Variants in CMTM8 observed in about 807,000 individuals in gnomAD.
CMTM8 encodes the protein CKLF like MARVEL transmembrane domain containing 8.
Under a neutral mutation model 18.6 loss-of-function variants are expected in CMTM8, and 12 were observed. The ratio of observed to expected loss-of-function variants is 0.65; its 90% CI spans 0.41 to 1.05. The LOEUF is 1.05. Ranked by LOEUF, CMTM8 falls within the 50% of genes least tolerant of loss-of-function variation. CMTM8 has a pLI of 0.00. For synonymous variants in CMTM8, 87 were observed against 90.6 expected (o/e 0.96, Z 0.23); for missense variants, 217 against 227.2 (o/e 0.95, Z 0.29).
intron 1 of CMTM8, among the ~76,000 whole-genome samples, chr3:32,265,251 G>A (rs1702320661): frequency 6.6e-6 from 1 of 152,166 alleles, no homozygotes; most frequent in Non-Finnish European, 1.5e-5. Context: ...ATAACAAACT[G>A]TCTCTCAGAC....
At chr3:32,295,321 T>C (rs2125558942) in intron 1 of CMTM8, among the ~76,000 whole-genome samples, 1 of 151,664 alleles carries the variant, frequency 6.6e-6, no homozygotes, top group East Asian at 1.9e-4. Context: ...CTGGGCATAA[T>C]GTCGTGCACC....
intron 1 of CMTM8, among the ~76,000 whole-genome samples, chr3:32,313,005 C>G (rs538597096): frequency 8.9e-4 from 135 of 152,172 alleles, no homozygotes; most frequent in African/African-American, 3.1e-3. Context: ...AGCTATAAGG[C>G]AAGAACTGTG....
At chr3:32,333,802 A>G (rs1380293618) in intron 1 of CMTM8, among the ~76,000 whole-genome samples, 1 of 152,118 alleles carries the variant, frequency 6.6e-6, no homozygotes, top group Non-Finnish European at 1.5e-5. Flanking sequence ...GTCATTATAC[A>G]TTTGTCTAAA....
chr3:32,321,384 G>A (rs1347401457), intron 1 of CMTM8, among the ~76,000 whole-genome samples: 2 of 152,112 alleles, frequency 1.3e-5, no homozygotes, highest in African/African-American at 2.4e-5. Context: ...GACCCCTGGT[G>A]CCTCCGTGGA....
intron 1 of CMTM8, among the ~76,000 whole-genome samples, chr3:32,283,405 C>T (rs1702634326): frequency 1.3e-5 from 2 of 152,330 alleles, no homozygotes; most frequent in Middle Eastern, 3.4e-3. Flanking sequence ...AGACTGAGCG[C>T]TTGCTATCTG....
At chr3:32,318,055 CA>C (rs60403582) in intron 1 of CMTM8, among the ~76,000 whole-genome samples, 12,074 of 85,774 alleles carry the variant, frequency 0.14, 349 homozygotes, top group Middle Eastern at 0.27. Flanking sequence ...AACTCTGTCT[CA>C]AAAAAAAAAA....
intron 1 of CMTM8, among the ~76,000 whole-genome samples, chr3:32,261,329 C>T (rs1230024156): frequency 1.3e-5 from 2 of 151,958 alleles, no homozygotes; most frequent in East Asian, 3.8e-4. Context: ...GTAAATAGCA[C>T]CTTTCTATGT....
chr3:32,357,384 G>T lies in CMTM8; in HGVS notation c.159G>T (p.Leu53=). 6.2e-7 allele frequency: 1 copy of T among 1,613,688 alleles called. No individual in the cohort carries two copies. The part of the protein sequence containing the change: ...FLIVAEIVLG[L]LVWTLIAGTE... The stretch of plus-strand genomic sequence containing the variant: ...CTACCACTTTACAGGTTCTGGGGCT[G>T]CTGGTATGGACGCTTATTGCTGGAA... The change falls in exon 2 of 4, where the codon CTG becomes CTT. Residue 53 remains leucine, a synonymous_variant. Coordinates refer to ENST00000307526, the MANE Select transcript of CMTM8 (RefSeq NM_178868.5).
At chr3:32,259,202 C>T (rs375209575) in intron 1 of CMTM8, 33 of 519,848 alleles carry the variant, frequency 6.3e-5, no homozygotes, top group Admixed American at 3.0e-4. Context: ...AAGGAGACCA[C>T]GCACAGCCTG....
chr3:32,248,510 C>T (rs999700088), intron 1 of CMTM8, among the ~76,000 whole-genome samples: 5 of 151,854 alleles, frequency 3.3e-5, no homozygotes, highest in Non-Finnish European at 5.9e-5. Context: ...TACAGGCACC[C>T]GCCACCACAC....
At chr3:32,259,193 A>C in intron 1 of CMTM8, 1 of 496,630 alleles carries the variant, frequency 2.0e-6, no homozygotes, top group Non-Finnish European at 3.8e-6. Context: ...CAGAGCGGGA[A>C]GGAGACCACG....
At chr3:32,267,353 G>T (rs1702365341) in intron 1 of CMTM8, among the ~76,000 whole-genome samples, 1 of 152,158 alleles carries the variant, frequency 6.6e-6, no homozygotes, top group Non-Finnish European at 1.5e-5. Flanking sequence ...AATGGGGAAA[G>T]GATTCCCTAT....
chr3:32,331,902 A>G (rs1210867369), intron 1 of CMTM8, among the ~76,000 whole-genome samples: 2 of 152,196 alleles, frequency 1.3e-5, no homozygotes, highest in Admixed American at 6.6e-5. Flanking sequence ...GGGAGTTCCT[A>G]TTCAGTGCAT....
In CMTM8 at chr3:32,289,014, C is replaced by T. The variant is rs765723717; in HGVS notation, c.147+49895C>T. ...TTGTGTCTTGCAGTTTCTTTTTTAC[C>T]GGAAGTCACAAAATCAGCTGCATAC... On this transcript the variant is annotated intron_variant, in intron 1 of 3. Transcript: ENST00000307526. Among the ~76,000 whole-genome samples, 18 of 152,082 alleles carry T rather than the reference C, an allele frequency of 1.2e-4. No homozygotes were observed. The East Asian group carries it at 2.1e-3, about 18-fold the overall frequency.
At chr3:32,293,983 A>C (rs1702828657) in intron 1 of CMTM8, among the ~76,000 whole-genome samples, 1 of 152,162 alleles carries the variant, frequency 6.6e-6, no homozygotes, top group African/African-American at 2.4e-5. Context: ...TTGCAGGATC[A>C]AGGGTAAATA....
intron 1 of CMTM8, among the ~76,000 whole-genome samples, chr3:32,355,662 C>G (rs960859386): frequency 2.6e-5 from 4 of 152,196 alleles, no homozygotes; most frequent in South Asian, 4.1e-4. Flanking sequence ...TTAACATTCT[C>G]TTGCTTAAAA....
At chr3:32,341,155 T>C (rs1167394253) in intron 1 of CMTM8, among the ~76,000 whole-genome samples, 1 of 152,228 alleles carries the variant, frequency 6.6e-6, no homozygotes, top group Non-Finnish European at 1.5e-5. Flanking sequence ...ATCAGCCCTG[T>C]TCAGCCTGAA....
At chr3:32,367,424 A>C (rs2278540) in intron 2 of CMTM8, among the ~76,000 whole-genome samples, 3 of 151,960 alleles carry the variant, frequency 2.0e-5, no homozygotes, top group Non-Finnish European at 4.4e-5. Flanking sequence ...GGGTTAGGGA[A>C]TCAGCTGGGC....
intron 1 of CMTM8, among the ~76,000 whole-genome samples, chr3:32,309,002 A>G (rs1695768251): frequency 6.6e-6 from 1 of 152,196 alleles, no homozygotes; most frequent in African/African-American, 2.4e-5. Flanking sequence ...CCTTGAGGTT[A>G]TGGCACTATG....
Sources: gnomAD v4.1 joint callset for allele counts (sites outside exome capture counted in the v4.1 genomes callset) on GRCh38, gnomAD v4.1.1 for gene constraint, MANE v1.5 for transcripts, NCBI Gene and HGNC (gene_info 2026-07-23, HGNC 2026-07-21) for gene names.